Variants in RYK observed in about 807,000 individuals in gnomAD.
The protein encoded by RYK is inactive tyrosine-protein kinase RYK.
Under a neutral mutation model 70.2 loss-of-function variants are expected in RYK, and 21 were observed. The observed-to-expected ratio is 0.30, with a 90% CI of 0.21 to 0.43. RYK has a LOEUF of 0.43. Ranked by LOEUF, RYK falls within the 20% of genes least tolerant of loss-of-function variation. RYK has a pLI of 1.00. For missense variants in RYK, 604 were observed against 753.3 expected, an observed-to-expected ratio of 0.80 and a Z score of 2.32; for synonymous variants, 267 against 278.0, an observed-to-expected ratio of 0.96 and a Z score of 0.39.
rs139581595 is a variant in RYK at position 134,200,867 on chromosome 3, C to T, written c.788+1863G>A. 5.9e-3 allele frequency among the ~76,000 whole-genome samples: 898 copies of T among 152,308 alleles called. 7 individuals carry two copies. Among genetic ancestry groups the T allele is most frequent in the African/African-American group, 0.018 (764 of 41,558 alleles). ...TAAGCTGGTTTTACTCAGGTAATGTCTGGAAACTTTTGCCTGAAAACTAAA... is the reference window on the plus strand; with the variant it reads ...TAAGCTGGTTTTACTCAGGTAATGTTTGGAAACTTTTGCCTGAAAACTAAA... On this transcript the variant is annotated intron_variant, in intron 6 of 14. Coordinates refer to ENST00000623711, the MANE Select transcript of RYK (RefSeq NM_002958.4).
intron 4 of RYK, among the ~76,000 whole-genome samples, chr3:134,209,335 C>CTT (rs1253435589): frequency 6.6e-6 from 1 of 152,136 alleles, no homozygotes; most frequent in African/African-American, 2.4e-5. Context: ...CACCCGAGAG[C>CTT]AATGCTTCTG....
chr3:134,225,945 T>A (rs920582481), intron 1 of RYK, among the ~76,000 whole-genome samples: 1 of 151,150 alleles, frequency 6.6e-6, no homozygotes, highest in Middle Eastern at 3.4e-3. Context: ...TTATGGGACA[T>A]GAAAAAGTGA....
At chr3:134,177,304 C>T (rs6439465) in intron 11 of RYK, among the ~76,000 whole-genome samples, 21,907 of 152,108 alleles carry the variant, frequency 0.14, 1,937 homozygotes, top group East Asian at 0.47. Flanking sequence ...TTTGAACCCA[C>T]TTTCTCCTGG....
intron 1 of RYK, among the ~76,000 whole-genome samples, chr3:134,242,681 C>T (rs553678957): frequency 6.6e-6 from 1 of 152,336 alleles, no homozygotes; most frequent in East Asian, 1.9e-4. Flanking sequence ...TGGAACTTCT[C>T]AACTCAGGTG....
At chr3:134,237,297 CTTTAT>C (rs985451336) in intron 1 of RYK, among the ~76,000 whole-genome samples, 2 of 152,138 alleles carry the variant, frequency 1.3e-5, no homozygotes, top group African/African-American at 4.8e-5. Flanking sequence ...AACCATCTCT[CTTTAT>C]TTTAAAAGCC....
At chr3:134,200,787 G>C (rs2013987186) in intron 6 of RYK, among the ~76,000 whole-genome samples, 3 of 152,146 alleles carry the variant, frequency 2.0e-5, no homozygotes, top group Admixed American at 2.0e-4. Flanking sequence ...GAGATGGTCT[G>C]GCTCTAGAGT....
chr3:134,202,768 C>G lies in RYK; in HGVS notation c.750G>C (p.Leu250Phe). Residue 250 changes from leucine (L) to phenylalanine (F), a missense_variant, in exon 6 of 15, where the codon TTG becomes TTC. Around this residue, in one of 2 missense-constraint regions of RYK, gnomAD observed 466 missense variants for 535.9 expected, o/e 0.87. Transcript: ENST00000623711. The stretch of plus-strand genomic sequence containing the variant: ...CAATCCTTTTCATACTATGAAGGTG[C>G]AAAACAGCTAATATTATTGCTACGA... ...IFLVAIILAVLHLHSMKRIEL... is the reference protein window; with the variant it reads ...IFLVAIILAVFHLHSMKRIEL... The G allele has an allele frequency of 6.2e-7, 1 of 1,613,050 alleles. No homozygotes were observed. Among genetic ancestry groups the G allele is most frequent in the South Asian group, 1.1e-5 (1 of 90,920 alleles).
rs759858310 is a variant in RYK, at chr3:134,195,230, G to A, written c.789-48C>T. 1.4e-5 allele frequency: 20 copies of A among 1,421,062 alleles called. No individual in the cohort carries two copies. The East Asian group carries it at 4.6e-4, about 32-fold the overall frequency. 88.0% of individuals were successfully genotyped at this position (1,421,062 alleles called of 1,614,324 possible). A position where few individuals can be genotyped will look rare whatever the true frequency, so the allele number is the denominator to read the frequency against. ...ATATTTGACAAGTCAGTTTCAATGA[G>A]AAATTTCCTTTTTCCATACATACAA... On this transcript the variant is annotated intron_variant, in intron 6 of 14. Transcript: ENST00000623711.
chr3:134,193,304 C>T (rs575578405), intron 7 of RYK, among the ~76,000 whole-genome samples: 1 of 152,198 alleles, frequency 6.6e-6, no homozygotes, highest in South Asian at 2.1e-4. Flanking sequence ...CTGCCTCAGC[C>T]TCCCAAGTAG....
intron 7 of RYK, 35 bp downstream of exon 7, chr3:134,195,047 G>C: frequency 6.9e-7 from 1 of 1,444,958 alleles, no homozygotes; most frequent in Non-Finnish European, 9.7e-7. Flanking sequence ...TAGACAACTT[G>C]AGTAAACTGG....
rs773639600 is a variant in RYK, at chr3:134,178,015, A to G, written c.1231T>C (p.Leu411=). 1.2e-6 allele frequency: 2 copies of G among 1,609,340 alleles called. No individual in the cohort carries two copies. The highest frequency in any genetic ancestry group is 1.7e-6 in the Non-Finnish European group (2 of 1,175,978). ...AGATTCCCCCAATTCATGTAAGGCA[A>G]TATCACCATGGGCTTTTCTCCTTCT... The part of the protein sequence containing the change: ...IEEGEKPMVI[L]PYMNWGNLKL... The change falls in exon 11 of 15, where the codon TTG becomes CTG. Residue 411 remains leucine, a synonymous_variant. Transcript: ENST00000623711.
intron 7 of RYK, among the ~76,000 whole-genome samples, chr3:134,192,189 A>AATT (rs2013663988): frequency 6.6e-6 from 1 of 152,166 alleles, no homozygotes; most frequent in South Asian, 2.1e-4. Context: ...CTACTCCAAA[A>AATT]TGTTAAAATT....
intron 2 of RYK, among the ~76,000 whole-genome samples, chr3:134,219,692 C>T (rs1465792017): frequency 6.6e-6 from 1 of 152,140 alleles, no homozygotes; most frequent in Non-Finnish European, 1.5e-5. Flanking sequence ...AAACACTGGA[C>T]CTCAGAGTTG....
intron 11 of RYK, among the ~76,000 whole-genome samples, chr3:134,176,593 T>A (rs193191769): frequency 1.2e-4 from 18 of 149,994 alleles, no homozygotes; most frequent in South Asian, 2.2e-4. Flanking sequence ...GATTTTTTTT[T>A]AAATTAGCCA....
chr3:134,207,591 T>C (rs1156688894), intron 4 of RYK, 66 bp from the exon 5 acceptor site: 4 of 1,053,548 alleles, frequency 3.8e-6, no homozygotes, highest in African/African-American at 1.6e-5. Flanking sequence ...TTAATTACTA[T>C]AATTATCAGA....
intron 5 of RYK, among the ~76,000 whole-genome samples, chr3:134,204,418 G>C (rs548660580): frequency 1.3e-3 from 196 of 152,128 alleles, no homozygotes; most frequent in African/African-American, 4.3e-3. Flanking sequence ...AGAATCACTT[G>C]AACCCGGGAG....
At chr3:134,173,630 G>T (rs6776260) in intron 13 of RYK, among the ~76,000 whole-genome samples, 13,878 of 152,136 alleles carry the variant, frequency 0.091, 1,300 homozygotes, top group South Asian at 0.32. Context: ...CAGCATGGGG[G>T]AACCTGCCCC....
intron 1 of RYK, among the ~76,000 whole-genome samples, chr3:134,224,699 C>T (rs186088310): frequency 1.1e-4 from 16 of 152,322 alleles, no homozygotes; most frequent in African/African-American, 3.8e-4. Flanking sequence ...TAACGGGTGC[C>T]TTCCCAGGCA....
chr3:134,168,235 T>C (rs548580422), intron 13 of RYK, among the ~76,000 whole-genome samples: 57 of 152,292 alleles, frequency 3.7e-4, no homozygotes, highest in Non-Finnish European at 4.3e-4. Flanking sequence ...GATCTAGAAC[T>C]AGAAATACCA....
Sources: allele counts gnomAD v4.1 joint callset (sites outside exome capture counted in the v4.1 genomes callset), GRCh38; gene constraint gnomAD v4.1.1; regional missense constraint gnomAD v4.1.1; transcripts MANE v1.5; gene names NCBI Gene and HGNC (gene_info 2026-07-23, HGNC 2026-07-21).